Variants in PTPN3 observed in about 807,000 individuals in gnomAD.
PTPN3 encodes the protein protein tyrosine phosphatase non-receptor type 3.
A neutral mutation model predicts 132.7 loss-of-function variants in PTPN3; 96 were observed. The observed-to-expected ratio is 0.72, with a 90% confidence interval of 0.61 to 0.86. The LOEUF (loss-of-function observed/expected upper bound fraction) is 0.86, where lower values mean the gene tolerates loss of function less well. Among genes scored for constraint, PTPN3 ranks in the 40% least tolerant of loss-of-function variants. The pLI is 0.00. For synonymous variants in PTPN3, 398 were observed against 429.0 expected (o/e 0.93, Z 0.89); for missense variants, 1,125 against 1,159.6 (o/e 0.97, Z 0.43).
rs191083408 is a variant in PTPN3 at position 109,385,564 on chromosome 9, G to A, written c.2254-2013C>T. On this transcript the variant is annotated intron_variant, in intron 22 of 25. Transcript: ENST00000374541. ...CAGTGTGTGTCAGATCACAGAGAGA[G>A]GAACTGGGGCAGAGCTGGAATGTCT... Among the ~76,000 whole-genome samples, 62 of 152,316 alleles carry A rather than the reference G, an allele frequency of 4.1e-4. 1 individual carries two copies. The highest frequency in any genetic ancestry group is 1.5e-3 in the African/African-American group (62 of 41,574).
intron 16 of PTPN3, among the ~76,000 whole-genome samples, chr9:109,408,817 A>ATT (rs1841818132): frequency 7.6e-6 from 1 of 131,674 alleles, no homozygotes. Context: ...ATATATATAT[A>ATT]TGGGCTTTAT....
intron 9 of PTPN3, among the ~76,000 whole-genome samples, chr9:109,435,673 T>C (rs1374615117): frequency 6.6e-6 from 1 of 152,230 alleles, no homozygotes; most frequent in African/African-American, 2.4e-5. Flanking sequence ...CTCACAGCCC[T>C]TGAGGGTCAT....
chr9:109,522,348 G>GA, the PTPN3 span, among the ~76,000 whole-genome samples: 1 of 152,130 alleles, frequency 6.6e-6, no homozygotes, highest in Admixed American at 6.5e-5. Flanking sequence ...AGACAGTTTC[G>GA]AAGTCCAGGG....
rs371202819 is a variant in PTPN3, at chr9:109,402,663, C to T, written c.1953+1785G>A. ...GGGCTATTTCCCTTTGTAGAATACTCAGTAATATATCTATTAGTTCTATTC... is the reference window on the plus strand; with the variant it reads ...GGGCTATTTCCCTTTGTAGAATACTTAGTAATATATCTATTAGTTCTATTC... On this transcript the variant is annotated intron_variant, in intron 19 of 25. Transcript: ENST00000374541. Among the ~76,000 whole-genome samples the T allele has an allele frequency of 1.2e-4, 19 of 152,280 alleles. No homozygotes were observed. The East Asian group carries it at 2.1e-3, about 17-fold the overall frequency.
chr9:109,498,826 T>C (rs1332227011), upstream of PTPN3, among the ~76,000 whole-genome samples: 2 of 152,132 alleles, frequency 1.3e-5, no homozygotes, highest in East Asian at 3.9e-4. This position sits in a 1 kb window ranked among gnomAD's most constrained non-coding sequence, Gnocchi z 4.2. Flanking sequence ...TTTCTGTCCA[T>C]CAAACACTCG....
chr9:109,495,786 A>G (rs1032762571), intron 1 of PTPN3, among the ~76,000 whole-genome samples: 1 of 152,250 alleles, frequency 6.6e-6, no homozygotes. Flanking sequence ...CTTCTGTATG[A>G]TAAAAGATGA....
intron 9 of PTPN3, among the ~76,000 whole-genome samples, chr9:109,433,441 C>T (rs1197153839): frequency 6.6e-6 from 1 of 152,230 alleles, no homozygotes; most frequent in East Asian, 1.9e-4. Flanking sequence ...GAATCATTTA[C>T]ATGAACACTC....
intron 1 of PTPN3, among the ~76,000 whole-genome samples, chr9:109,477,441 CAA>C (rs551780864): frequency 3.6e-4 from 55 of 152,256 alleles, no homozygotes; most frequent in African/African-American, 1.2e-3. Context: ...GGTGTTTCAG[CAA>C]AGTTATTTTA....
intron 14 of PTPN3, among the ~76,000 whole-genome samples, chr9:109,412,757 C>T (rs1842180597): frequency 6.6e-6 from 1 of 151,794 alleles, no homozygotes; most frequent in Non-Finnish European, 1.5e-5. Context: ...TCCTCCTGCA[C>T]TGGCCTCCCT....
Position 109,392,338 on chromosome 9 carries a change from C to T in PTPN3, c.1954-777G>A, listed in dbSNP as rs1255210652. ...TTCTCACCAGTGGTTTTTATTAACT[C>T]TATGGGAATTTAAAAACACAGTTTT... On this transcript the variant is annotated intron_variant, in intron 19 of 25. Transcript: ENST00000374541. Among the ~76,000 whole-genome samples the T allele has an allele frequency of 2.6e-5, 4 of 151,204 alleles. 1 individual carries two copies. The East Asian group carries it at 7.7e-4, about 29-fold the overall frequency.
chr9:109,486,378 G>A (rs1847208728), intron 1 of PTPN3, among the ~76,000 whole-genome samples: 1 of 152,100 alleles, frequency 6.6e-6, no homozygotes, highest in Admixed American at 6.5e-5. Flanking sequence ...CAGGCGCAAG[G>A]GGCCTATTTG....
chr9:109,473,522 A>G (rs181451877), intron 1 of PTPN3, among the ~76,000 whole-genome samples: 1 of 152,324 alleles, frequency 6.6e-6, no homozygotes, highest in East Asian at 1.9e-4. Context: ...AGCTCCCTGA[A>G]GGGCAAGATA....
At chr9:109,459,130 T>C (rs7851306) in intron 2 of PTPN3, among the ~76,000 whole-genome samples, 89,089 of 152,192 alleles carry the variant, frequency 0.59, 26,501 homozygotes, top group African/African-American at 0.68. Flanking sequence ...GCATAATTCA[T>C]CCAGTTCTCA....
intron 1 of PTPN3, among the ~76,000 whole-genome samples, chr9:109,482,468 T>C (rs868511603): frequency 5.9e-5 from 9 of 152,198 alleles, no homozygotes; most frequent in Middle Eastern, 3.2e-3. Context: ...GTGTTAGTTT[T>C]TCTATTCTTT....
intron 14 of PTPN3, among the ~76,000 whole-genome samples, chr9:109,415,080 A>ATCCATCCG (rs1842386331): frequency 4.1e-5 from 2 of 48,690 alleles, no homozygotes; most frequent in South Asian, 6.9e-4. Flanking sequence ...CCATCCAACC[A>ATCCATCCG]TCCATCCATC....
intron 1 of PTPN3, among the ~76,000 whole-genome samples, chr9:109,495,835 G>A (rs1213015502): frequency 6.6e-6 from 1 of 152,186 alleles, no homozygotes; most frequent in Non-Finnish European, 1.5e-5. Context: ...TATGGTAAGG[G>A]ATCCTGAATC....
At chr9:109,532,242 G>A in the PTPN3 span, among the ~76,000 whole-genome samples, 1 of 152,170 alleles carries the variant, frequency 6.6e-6, no homozygotes, top group African/African-American at 2.4e-5. Context: ...CTACAAGATG[G>A]AGATATTTTG....
At position 109,445,221 on chromosome 9, in the gene PTPN3, T is replaced by A; in HGVS notation, c.466+19A>T. On this transcript the variant is annotated intron_variant, in intron 7 of 25. Coordinates refer to ENST00000374541, the MANE Select transcript of PTPN3 (RefSeq NM_002829.4). ...CAGAACAACCTGTCCATCCGTGAAATGCTCCCTTTGTGACTTACATTGTAC... is the reference window on the plus strand; with the variant it reads ...CAGAACAACCTGTCCATCCGTGAAAAGCTCCCTTTGTGACTTACATTGTAC... The A allele has an allele frequency of 6.2e-7, 1 of 1,608,970 alleles. No individual in the cohort carries two copies. The highest frequency in any genetic ancestry group is 8.5e-7 in the Non-Finnish European group (1 of 1,175,362).
chr9:109,513,914 G>A, the PTPN3 span, among the ~76,000 whole-genome samples: 1 of 151,980 alleles, frequency 6.6e-6, no homozygotes, highest in Middle Eastern at 3.2e-3. Context: ...CTCTTTTGAG[G>A]GCCAGTTCTG....
Sources: gnomAD v4.1 joint callset for allele counts (sites outside exome capture counted in the v4.1 genomes callset) on GRCh38, gnomAD v4.1.1 for gene constraint, Gnocchi (gnomAD v3.1) non-coding constraint, MANE v1.5 for transcripts, NCBI Gene and HGNC (gene_info 2026-07-23, HGNC 2026-07-21) for gene names.